PALM2AKAP2: variants seen among roughly 807,000 people sequenced by gnomAD.
PALM2AKAP2 encodes PALM2 and AKAP2 fusion.
A neutral mutation model predicts 71.5 loss-of-function variants in PALM2AKAP2; 37 were observed. That is an observed-to-expected ratio of 0.52 (90% CI 0.40 to 0.68). The LOEUF (loss-of-function observed/expected upper bound fraction) is 0.68, where lower values mean the gene tolerates loss of function less well. PALM2AKAP2 is among the 30% of genes least tolerant of loss of function. PALM2AKAP2 has a pLI of 0.00. For synonymous variants in PALM2AKAP2, 468 were observed against 478.8 expected (o/e 0.98, Z 0.29); for missense variants, 1,224 against 1,191.8 (o/e 1.03, Z -0.40).
chr9:109,758,530 TTGTGTG>T (rs10528378), intron 1 of PALM2AKAP2, among the ~76,000 whole-genome samples: 95,903 of 150,618 alleles, frequency 0.64, 30,855 homozygotes, highest in South Asian at 0.76. Context: ...AGAGTGCAGT[TTGTGTG>T]TGTGTGTGTG....
intron 7 of PALM2AKAP2, among the ~76,000 whole-genome samples, chr9:110,031,969 A>T (rs1833285356): frequency 6.6e-6 from 1 of 151,914 alleles, no homozygotes; most frequent in Admixed American, 6.6e-5. Context: ...CATTCTGATT[A>T]CATTTCTCAT....
chr9:109,901,629 C>T (rs1156854452), intron 3 of PALM2AKAP2, among the ~76,000 whole-genome samples: 1 of 152,136 alleles, frequency 6.6e-6, no homozygotes. Context: ...GAATTTATCC[C>T]AGAGGCCACA....
intron 2 of PALM2AKAP2, among the ~76,000 whole-genome samples, chr9:109,876,405 T>C (rs1485332755): frequency 6.6e-6 from 1 of 152,216 alleles, no homozygotes; most frequent in Non-Finnish European, 1.5e-5. Context: ...TTTTTCGGCT[T>C]CTTAAAAATG....
At position 109,782,819 on chromosome 9, in the gene PALM2AKAP2, G is replaced by A. The variant is rs538602754; in HGVS notation, c.45+2286G>A. On this transcript the variant is annotated intron_variant, in intron 1 of 9. Transcript: ENST00000302798. ...GAGAGCCAATTAAGAGACAGAGGGA[G>A]TTGGGTGGGGGGACTTATGGCCACA... Among the ~76,000 whole-genome samples the A allele has an allele frequency of 1.1e-4, 16 of 151,650 alleles. No individual in the cohort carries two copies. The East Asian group carries it at 2.7e-3, about 26-fold the overall frequency.
chr9:109,788,131 C>G (rs1827016757), intron 1 of PALM2AKAP2, among the ~76,000 whole-genome samples: 1 of 152,188 alleles, frequency 6.6e-6, no homozygotes, highest in African/African-American at 2.4e-5. Context: ...TAATTGCTCT[C>G]TAACTCAACC....
chr9:109,826,173 A>T lies in PALM2AKAP2; in HGVS notation c.46-41318A>T, dbSNP rs763243119. Among the ~76,000 whole-genome samples the T allele has an allele frequency of 3.3e-3, 448 of 136,308 alleles. 4 individuals are homozygous for T. Among genetic ancestry groups the T allele is most frequent in the Admixed American group, 0.013 (163 of 12,854 alleles). The allele number at this position is 136,308 out of a possible 152,430, so 89.4% of individuals were successfully genotyped here. ...GGTGGGAATTGAACAATGAGAACAC[A>T]GGGACACAGGAAGGGGAACATCACA... On this transcript the variant is annotated intron_variant, in intron 1 of 9. Transcript: ENST00000302798.
intron 1 of PALM2AKAP2, among the ~76,000 whole-genome samples, chr9:109,836,706 C>G (rs1462021815): frequency 6.6e-6 from 1 of 152,236 alleles, no homozygotes; most frequent in Non-Finnish European, 1.5e-5. Flanking sequence ...AGCTGAAAAC[C>G]ATGGCATGAG....
chr9:110,099,632 A>G (rs1834944019), intron 1 of PALM2AKAP2, among the ~76,000 whole-genome samples: 1 of 152,186 alleles, frequency 6.6e-6, no homozygotes, highest in African/African-American at 2.4e-5. Context: ...GGTTGCCCCC[A>G]GGGGGTGGAA....
intron 2 of PALM2AKAP2, among the ~76,000 whole-genome samples, chr9:110,142,398 T>G (rs557374254): frequency 6.6e-6 from 1 of 152,266 alleles, no homozygotes; most frequent in East Asian, 1.9e-4. Flanking sequence ...TGGCCCTTAT[T>G]TGACTTTTAA....
At chr9:110,130,549 T>G (rs1207501882) in intron 1 of PALM2AKAP2, among the ~76,000 whole-genome samples, 1 of 152,224 alleles carries the variant, frequency 6.6e-6, no homozygotes, top group Non-Finnish European at 1.5e-5. Flanking sequence ...GGGACCAAAT[T>G]CTGGCACTCA....
exon 2 of PALM2AKAP2, chr9:110,136,151 G>T (rs1375316208): frequency 6.3e-7 from 1 of 1,592,604 alleles, no homozygotes; most frequent in African/African-American, 1.4e-5. Flanking sequence ...TTCTGAGGAT[G>T]ATATCTGGCT....
intron 1 of PALM2AKAP2, among the ~76,000 whole-genome samples, chr9:110,064,511 A>G (rs10980171): frequency 0.11 from 17,180 of 152,228 alleles, 1,011 homozygotes; most frequent in Middle Eastern, 0.21. Flanking sequence ...GAAGGCTGAG[A>G]TGCGAAGATT....
intron 6 of PALM2AKAP2, among the ~76,000 whole-genome samples, chr9:109,951,885 A>G (rs868102468): frequency 1.7e-4 from 26 of 152,252 alleles, no homozygotes; most frequent in African/African-American, 5.5e-4. Context: ...CACAACTGTC[A>G]TCCTTTTCTT....
At chr9:110,020,287 C>G (rs1200292017) in intron 7 of PALM2AKAP2, among the ~76,000 whole-genome samples, 1 of 152,174 alleles carries the variant, frequency 6.6e-6, no homozygotes, top group African/African-American at 2.4e-5. Context: ...TTTGAAGGTG[C>G]TTGCTTTCTC....
intron 1 of PALM2AKAP2, among the ~76,000 whole-genome samples, chr9:109,653,115 A>T (rs545086020): frequency 5.9e-5 from 9 of 152,226 alleles, no homozygotes; most frequent in African/African-American, 2.2e-4. Context: ...TTTAGTTTGC[A>T]CTATGACTAA....
chr9:110,064,430 G>A (rs1465252609), intron 1 of PALM2AKAP2, among the ~76,000 whole-genome samples: 1 of 152,174 alleles, frequency 6.6e-6, no homozygotes, highest in African/African-American at 2.4e-5. Flanking sequence ...GCAGTGAATT[G>A]GCTCAGAAAG....
intron 6 of PALM2AKAP2, among the ~76,000 whole-genome samples, chr9:110,013,173 C>T (rs1232412115): frequency 6.6e-6 from 1 of 152,212 alleles, no homozygotes; most frequent in Non-Finnish European, 1.5e-5. Flanking sequence ...TTGTCCTTCT[C>T]ATGCTGTAGC....
chr9:109,714,044 T>A (rs1564122395), intron 1 of PALM2AKAP2, among the ~76,000 whole-genome samples: 1 of 152,172 alleles, frequency 6.6e-6, no homozygotes, highest in East Asian at 1.9e-4. Flanking sequence ...GCAGAAAGAG[T>A]CTATTAATTA....
At chr9:109,942,084 G>C (rs567194209) in intron 6 of PALM2AKAP2, among the ~76,000 whole-genome samples, 34 of 152,252 alleles carry the variant, frequency 2.2e-4, no homozygotes, top group Middle Eastern at 3.4e-3. Flanking sequence ...TCTTTTCTTA[G>C]TTCTTATTTT....
Sources: allele counts gnomAD v4.1 joint callset (sites outside exome capture counted in the v4.1 genomes callset), GRCh38; gene constraint gnomAD v4.1.1; transcripts MANE v1.5; gene names NCBI Gene and HGNC (gene_info 2026-07-23, HGNC 2026-07-21).